HEPHL1: variants seen among roughly 807,000 people sequenced by gnomAD.
The protein encoded by HEPHL1 is ferroxidase HEPHL1.
A neutral mutation model predicts 122.0 loss-of-function variants in HEPHL1; 123 were observed. The ratio of observed to expected loss-of-function variants is 1.01; its 90% CI spans 0.87 to 1.17. HEPHL1 has a LOEUF of 1.17. Among genes scored for constraint, HEPHL1 ranks in the 50% most tolerant of loss-of-function variants. The pLI is 0.00. For missense variants in HEPHL1, 1,452 were observed against 1,430.5 expected, an observed-to-expected ratio of 1.01 and a Z score of -0.24; for synonymous variants, 527 against 508.9, an observed-to-expected ratio of 1.04 and a Z score of -0.48.
At chr11:94,106,166 T>C in intron 17 of HEPHL1, 36 bp downstream of exon 17, 1 of 1,473,986 alleles carries the variant, frequency 6.8e-7, no homozygotes, top group Non-Finnish European at 9.1e-7. Context: ...AAAGACGTTT[T>C]TGAACTAACA....
At chr11:94,105,923 TG>T in intron 16 of HEPHL1, 67 bp from the exon 17 acceptor site, 1 of 1,107,676 alleles carries the variant, frequency 9.0e-7, no homozygotes, top group Non-Finnish European at 1.3e-6. Context: ...AAAGATCTTC[TG>T]GAAACATTTA....
chr11:94,057,549 A>T (rs1336574460), intron 2 of HEPHL1, among the ~76,000 whole-genome samples: 3 of 151,966 alleles, frequency 2.0e-5, no homozygotes, highest in South Asian at 2.1e-4. Flanking sequence ...TATATTGTTG[A>T]GCTCCTCTAG....
chr11:94,021,468 G>T lies in HEPHL1; in HGVS notation c.100G>T (p.Val34Leu), dbSNP rs372650215. ...TACCAGAACGTACTACATTGGGATTGTGGAAGAATACTGGAACTATGTACC... is the reference window on the plus strand; with the variant it reads ...TACCAGAACGTACTACATTGGGATTTTGGAAGAATACTGGAACTATGTACC... ...TVTRTYYIGI[V>L]EEYWNYVPQG... Residue 34 changes from valine to leucine, a missense_variant, in exon 1 of 20, where the codon GTG (valine) becomes TTG (leucine). Val to Leu is a conservative substitution (Grantham distance 32, BLOSUM62 1). Transcript: ENST00000315765. 127 of 1,613,326 alleles carry T rather than the reference G, an allele frequency of 7.9e-5. No individual in the cohort carries two copies. Among genetic ancestry groups the T allele is most frequent in the Non-Finnish European group, 1.0e-4 (122 of 1,179,416 alleles).
intron 13 of HEPHL1, among the ~76,000 whole-genome samples, chr11:94,100,436 G>C (rs76517270): frequency 0.027 from 4,103 of 152,262 alleles, 197 homozygotes; most frequent in African/African-American, 0.094. Flanking sequence ...CAGGCCCTCT[G>C]AGCCAGGTGT....
At chr11:94,076,575 C>G (rs573699143) in intron 9 of HEPHL1, among the ~76,000 whole-genome samples, 1 of 151,646 alleles carries the variant, frequency 6.6e-6, no homozygotes, top group East Asian at 1.9e-4. Flanking sequence ...AAGCCAAATA[C>G]TATTCATGGT....
intron 1 of HEPHL1, among the ~76,000 whole-genome samples, chr11:94,025,805 A>T (rs1004221456): frequency 6.6e-6 from 1 of 152,164 alleles, no homozygotes; most frequent in Non-Finnish European, 1.5e-5. Flanking sequence ...AAAGAATATC[A>T]TCTGGTAAGT....
intron 8 of HEPHL1, among the ~76,000 whole-genome samples, chr11:94,074,343 G>A (rs1327136530): frequency 2.0e-5 from 3 of 152,130 alleles, no homozygotes; most frequent in Non-Finnish European, 4.4e-5. Context: ...GCTGAGGCAA[G>A]AGGATCTCTT....
At chr11:94,072,936 A>T (rs1034495086) in intron 6 of HEPHL1, 89 bp from the exon 7 acceptor site, 12 of 1,258,520 alleles carry the variant, frequency 9.5e-6, no homozygotes, top group Non-Finnish European at 1.2e-5. Context: ...GGGCGAGTGG[A>T]CTAAAAGTGA....
In HEPHL1 at chr11:94,111,680, T is replaced by A; in HGVS notation, c.3278-12T>A. On this transcript the variant is annotated splice_polypyrimidine_tract_variant and intron_variant, in intron 19 of 19. Transcript: ENST00000315765. Reference sequence around the variant, plus strand: ...AAATGTCAGGGGCCTGACAAGTTTATCTTTTTCACAGAACGACCTGGCAAA... The same window carrying A: ...AAATGTCAGGGGCCTGACAAGTTTAACTTTTTCACAGAACGACCTGGCAAA... The A allele has an allele frequency of 1.9e-6, 3 of 1,613,044 alleles. No individual in the cohort carries two copies. The highest frequency in any genetic ancestry group is 2.5e-6 in the Non-Finnish European group (3 of 1,179,320).
intron 9 of HEPHL1, among the ~76,000 whole-genome samples, chr11:94,080,723 A>G (rs897328749): frequency 1.3e-5 from 2 of 152,250 alleles, no homozygotes; most frequent in African/African-American, 4.8e-5. Context: ...GAGAAATGCA[A>G]ATGAAAACCA....
chr11:94,074,132 C>T (rs1425503810), intron 8 of HEPHL1, among the ~76,000 whole-genome samples: 2 of 152,042 alleles, frequency 1.3e-5, no homozygotes, highest in African/African-American at 4.8e-5. Flanking sequence ...AGTGTGATGC[C>T]AGGCCCAGTT....
rs1353103373 is a variant in HEPHL1 at position 94,038,307 on chromosome 11, T to A, written c.171-7366T>A. 4.8e-5 allele frequency among the ~76,000 whole-genome samples: 7 copies of A among 144,516 alleles called. No individual in the cohort carries two copies. The East Asian group carries it at 1.4e-3, about 29-fold the overall frequency. 94.8% of individuals were successfully genotyped at this position (144,516 alleles called of 152,430 possible). On this transcript the variant is annotated intron_variant, in intron 1 of 19. Transcript: ENST00000315765. Reference sequence around the variant, plus strand: ...TTGGAAAACACTCTGCAGGATATTATCCAGGAGAACTTCCCCAACCTAGCA... The same window carrying A: ...TTGGAAAACACTCTGCAGGATATTAACCAGGAGAACTTCCCCAACCTAGCA...
chr11:94,099,391 T>C (rs1292262483), intron 13 of HEPHL1, among the ~76,000 whole-genome samples: 1 of 152,056 alleles, frequency 6.6e-6, no homozygotes, highest in East Asian at 1.9e-4. Context: ...CTCAGAGGGG[T>C]GCCTGGCCGT....
intron 17 of HEPHL1, among the ~76,000 whole-genome samples, chr11:94,109,077 CTTTGT>C (rs1294048551): frequency 6.6e-6 from 1 of 151,978 alleles, no homozygotes; most frequent in African/African-American, 2.4e-5. Flanking sequence ...CTTGCATATA[CTTTGT>C]TTTATTTATT....
Position 94,071,840 on chromosome 11 carries a change from G to A in HEPHL1, c.1233-1185G>A, listed in dbSNP as rs558712452. ...GTGATAGAATTTATTTAACTGAATA[G>A]GGAAGAGAGGAATTTTAGATGGAGG... On this transcript the variant is annotated intron_variant, in intron 6 of 19. Transcript: ENST00000315765. 3.9e-5 allele frequency among the ~76,000 whole-genome samples: 6 copies of A among 152,168 alleles called. No individual in the cohort carries two copies. In the East Asian group the frequency reaches 1.2e-3, roughly 29 times the overall value.
In HEPHL1 at chr11:94,067,703, A is replaced by G; in HGVS notation, c.1016A>G (p.Asn339Ser). ...TFLTTEMIAE[N>S]PGKWMITCQV... ...CTTACAACAGAAATGATAGCCGAGA[A>G]TCCTGGGAAGTGGATGATAACCTGC... The change falls in exon 5 of 20, where the codon AAT becomes AGT. Residue 339 changes from asparagine (N) to serine (S), a missense_variant. Coordinates refer to ENST00000315765, the MANE Select transcript of HEPHL1 (RefSeq NM_001098672.2). 6.2e-7 allele frequency: 1 copy of G among 1,613,764 alleles called. No individual in the cohort carries two copies. Among genetic ancestry groups the G allele is most frequent in the Non-Finnish European group, 8.5e-7 (1 of 1,179,744 alleles).
chr11:94,034,266 C>A (rs1945701958), intron 1 of HEPHL1, among the ~76,000 whole-genome samples: 2 of 152,186 alleles, frequency 1.3e-5, no homozygotes, highest in Admixed American at 6.5e-5. Flanking sequence ...TGGTTCCCAT[C>A]TTCTGCTCCA....
In HEPHL1 at chr11:94,112,937, G is replaced by A. The variant is rs969008418; in HGVS notation, c.*1043G>A. 4 of 152,072 alleles carry A rather than the reference G, an allele frequency of 2.6e-5. No individual in the cohort carries two copies. Among genetic ancestry groups the A allele is most frequent in the African/African-American group, 9.7e-5 (4 of 41,392 alleles). 9.4% of individuals were successfully genotyped at this position (152,072 alleles called of 1,614,324 possible). A position where few individuals can be genotyped will look rare whatever the true frequency, so the allele number is the denominator to read the frequency against. The stretch of plus-strand genomic sequence containing the variant: ...ATGTAGGTGACTAGATAGGAGAAGG[G>A]ACCTCTAAATATCCTAGATTCTATG... On this transcript the variant is annotated 3_prime_UTR_variant, in exon 20 of 20. Coordinates refer to ENST00000315765, the MANE Select transcript of HEPHL1 (RefSeq NM_001098672.2).
intron 2 of HEPHL1, chr11:94,055,545 C>A: frequency 3.7e-6 from 1 of 266,794 alleles, no homozygotes; most frequent in South Asian, 3.8e-5. Context: ...GAGACCAGCT[C>A]TCTCTGGGTG....
Sources: allele counts gnomAD v4.1 joint callset (sites outside exome capture counted in the v4.1 genomes callset), GRCh38; gene constraint gnomAD v4.1.1; transcripts MANE v1.5; gene names NCBI Gene and HGNC (gene_info 2026-07-23, HGNC 2026-07-21).